CPSF1: variants seen among roughly 807,000 people sequenced by gnomAD.
CPSF1 encodes the protein cleavage and polyadenylation specific factor 1.
CPSF1 carries 106 observed loss-of-function variants against 175.8 expected under a neutral mutation model. The observed-to-expected ratio is 0.60, with a 90% CI of 0.52 to 0.71. The LOEUF (loss-of-function observed/expected upper bound fraction) is 0.71, where lower values mean the gene tolerates loss of function less well. Among genes scored for constraint, CPSF1 ranks in the 30% least tolerant of loss-of-function variants. The pLI, the probability that CPSF1 is intolerant of heterozygous loss-of-function variation, is 0.00. For synonymous variants in CPSF1, 1,024 were observed against 858.3 expected (o/e 1.19, Z -3.37); for missense variants, 1,734 against 2,022.9 (o/e 0.86, Z 2.74).
At position 144,401,549 on chromosome 8, in the gene CPSF1, G is replaced by A. The variant is rs2116885584; in HGVS notation, c.187C>T (p.Arg63Trp). Residue 63 changes from arginine (R) to tryptophan (W), a missense_variant, in exon 4 of 38, where the codon CGG becomes TGG. Around this residue, in one of 10 missense-constraint regions of CPSF1, gnomAD observed 126 missense variants for 117.9 expected, o/e 1.07. Coordinates refer to ENST00000616140, the MANE Select transcript of CPSF1 (RefSeq NM_013291.3). ...NDRSTEGKAH[R>W]EKLELAASFS... ...GAGGCAGCAAGCTCGAGCTTCTCCC[G>A]GTGGGCCTTCCCCTCTAGGGGAGAC... The A allele has an allele frequency of 6.2e-6, 10 of 1,613,516 alleles. No individual in the cohort carries two copies. The highest frequency in any genetic ancestry group is 1.3e-5 in the African/African-American group (1 of 74,928).
intron 7 of CPSF1, 56 bp downstream of exon 7, chr8:144,400,615 C>G: frequency 6.3e-7 from 1 of 1,593,322 alleles, no homozygotes. Context: ...GGCCCCACCC[C>G]AGGCAGAGGC....
At chr8:144,403,676 C>T (rs1353479010) in intron 2 of CPSF1, among the ~76,000 whole-genome samples, 4 of 148,368 alleles carry the variant, frequency 2.7e-5, no homozygotes, top group African/African-American at 1.0e-4. Flanking sequence ...CCTCAGCCTC[C>T]CAAGTAGCTG....
rs782358252 is a variant in CPSF1, at chr8:144,393,429, CGGGGGGCGG to C, written c.4284+14_4284+22del. 24 of 533,754 alleles carry C rather than the reference CGGGGGGCGG, an allele frequency of 4.5e-5. No individual in the cohort carries two copies. Among genetic ancestry groups the C allele is most frequent in the South Asian group, 1.3e-4 (7 of 52,394 alleles). 33.1% of individuals were successfully genotyped at this position (533,754 alleles called of 1,614,324 possible). On this transcript the variant is annotated intron_variant, in intron 37 of 37. Coordinates refer to ENST00000616140, the MANE Select transcript of CPSF1 (RefSeq NM_013291.3). ...GATGCACACGGAGGGGCGGGGCGCG[CGGGGGGCGG>C]GGCGCGCACTCACTATGTCTGGTGT... is the stretch of plus-strand genomic sequence containing the variant.
intron 37 of CPSF1, 35 bp from the exon 38 acceptor site, chr8:144,393,400 T>A (rs782205335): frequency 2.3e-6 from 1 of 426,568 alleles, no homozygotes; most frequent in Non-Finnish European, 3.7e-6. Flanking sequence ...GGTGGGTGGG[T>A]GGGGATGCAC....
chr8:144,407,255 G>C (rs1554869360), intron 2 of CPSF1, among the ~76,000 whole-genome samples: 1 of 141,884 alleles, frequency 7.0e-6, no homozygotes, highest in Non-Finnish European at 1.5e-5. Context: ...TCACTCTGTT[G>C]TCCAGGCTGG....
Position 144,396,628 on chromosome 8 carries a change from G to T in CPSF1, c.2796C>A (p.Arg932=), listed in dbSNP as rs1242199143. 6.2e-7 allele frequency: 1 copy of T among 1,613,664 alleles called. No homozygotes were observed. Among genetic ancestry groups the T allele is most frequent in the African/African-American group, 1.3e-5 (1 of 75,068 alleles). The part of the protein sequence containing the change: ...AGARGRVARF[R]YFEDIYGYSG... Reference sequence around the variant, plus strand: ...AGTAGCCATAAATATCCTCGAAGTAGCGGAAACGCGCCACGCGGCCCCGGG... The same window carrying T: ...AGTAGCCATAAATATCCTCGAAGTATCGGAAACGCGCCACGCGGCCCCGGG... Residue 932 remains arginine, a synonymous_variant, in exon 25 of 38, where the codon CGC becomes CGA. Transcript: ENST00000616140.
chr8:144,401,046 C>A lies in CPSF1; in HGVS notation c.417G>T (p.Pro139=). 6.2e-7 allele frequency: 1 copy of A among 1,607,652 alleles called. No individual in the cohort carries two copies. Among genetic ancestry groups the A allele is most frequent in the Non-Finnish European group, 8.5e-7 (1 of 1,176,620 alleles). ...GCCCGTCGGGGTCCACCCGCACTCGCGGCGTGTGTACATTCTGCACAAACC... is the reference window on the plus strand; with the variant it reads ...GCCCGTCGGGGTCCACCCGCACTCGAGGCGTGTGTACATTCTGCACAAACC... The part of the protein sequence containing the change: ...RDGFVQNVHT[P]RVRVDPDGRC... The change falls in exon 6 of 38, where the codon CCG becomes CCT. Residue 139 remains proline (P), a synonymous_variant. Transcript: ENST00000616140.
Position 144,401,424 on chromosome 8 carries a change from A to C in CPSF1, c.306+6T>G. ...CCAGGCCTACCCCACCAAGCCTACC[A>C]CTCACCTTGGCATCCTTGAAGCTTA... On this transcript the variant is annotated splice_donor_region_variant and intron_variant, in intron 4 of 37. Coordinates refer to ENST00000616140, the MANE Select transcript of CPSF1 (RefSeq NM_013291.3). The C allele has an allele frequency of 6.2e-7, 1 of 1,613,596 alleles. No homozygotes were observed. Among genetic ancestry groups the C allele is most frequent in the Middle Eastern group, 1.7e-4 (1 of 6,056 alleles).
At chr8:144,398,908 G>T in intron 16 of CPSF1, 40 bp from the exon 17 acceptor site, 1 of 1,609,502 alleles carries the variant, frequency 6.2e-7, no homozygotes, top group Non-Finnish European at 8.5e-7. Flanking sequence ...GGGGGTGTGA[G>T]CCCACCCAGG....
chr8:144,403,587 C>G (rs2116895216), intron 2 of CPSF1, among the ~76,000 whole-genome samples: 2 of 150,272 alleles, frequency 1.3e-5, no homozygotes, highest in African/African-American at 4.9e-5. Flanking sequence ...GAGTCTCACT[C>G]TGTCACCCAG....
At chr8:144,396,118 C>T (rs1237245654) in intron 26 of CPSF1, 2 of 573,830 alleles carry the variant, frequency 3.5e-6, no homozygotes, top group Non-Finnish European at 6.2e-6. Context: ...GCCGGCAGAG[C>T]AGTGGTGGGG....
At chr8:144,405,483 G>C (rs1288861935) in intron 2 of CPSF1, among the ~76,000 whole-genome samples, 3 of 152,104 alleles carry the variant, frequency 2.0e-5, no homozygotes, top group Admixed American at 1.3e-4. Context: ...AATTAGCTGG[G>C]TGTGGTGGCA....
At chr8:144,402,228 G>A (rs1554867540) in intron 2 of CPSF1, among the ~76,000 whole-genome samples, 3 of 152,354 alleles carry the variant, frequency 2.0e-5, no homozygotes, top group Non-Finnish European at 2.9e-5. Flanking sequence ...CTACTAGGTA[G>A]CTAGTTTAAC....
rs1554864712 is a variant in CPSF1, at chr8:144,398,028, T to C, written c.1999A>G (p.Met667Val). Residue 667 changes from methionine (M) to valine (V), a missense_variant, in exon 20 of 38, where the codon ATG (methionine) becomes GTG (valine). Around this residue, in one of 10 missense-constraint regions of CPSF1, gnomAD observed 280 missense variants for 349.2 expected, o/e 0.80. Coordinates refer to ENST00000616140, the MANE Select transcript of CPSF1 (RefSeq NM_013291.3). ...TAGGAGTCACTCTTCAGCAGGAACA[T>C]GGTGACGTGGCCCTCGGCACTCATG... is the stretch of plus-strand genomic sequence containing the variant. ...VIMSAEGHVTMFLLKSDSYGG... is the reference protein window; with the variant it reads ...VIMSAEGHVTVFLLKSDSYGG... 1.2e-6 allele frequency: 2 copies of C among 1,612,206 alleles called. No individual in the cohort carries two copies. Among genetic ancestry groups the C allele is most frequent in the South Asian group, 2.2e-5 (2 of 91,024 alleles).
At chr8:144,405,439 A>G (rs1821444112) in intron 2 of CPSF1, among the ~76,000 whole-genome samples, 1 of 152,176 alleles carries the variant, frequency 6.6e-6, no homozygotes, top group Admixed American at 6.5e-5. Context: ...CCTGGCCAAC[A>G]TGGTGAAACC....
chr8:144,398,483 G>A (rs2116850351), intron 18 of CPSF1, 40 bp from the exon 19 acceptor site: 11 of 1,607,704 alleles, frequency 6.8e-6, no homozygotes, highest in Non-Finnish European at 8.5e-6. Flanking sequence ...CCCCGCAGGG[G>A]ACCCCAGCCC....
chr8:144,393,269 A>AG lies in CPSF1; in HGVS notation c.*48dup. 6.9e-7 allele frequency: 1 copy of AG among 1,453,952 alleles called. No homozygotes were observed. The highest frequency in any genetic ancestry group is 9.1e-7 in the Non-Finnish European group (1 of 1,094,098). The allele number at this position is 1,453,952 out of a possible 1,614,324, so 90.1% of individuals were successfully genotyped here. A position where few individuals can be genotyped will look rare whatever the true frequency, so the allele number is the denominator to read the frequency against. ...GTTTTTCCTTGTGTTTTGTACAAAA[A>AG]GGGGGTGGGAGGTAGTTCCGTGTGC... On this transcript the variant is annotated 3_prime_UTR_variant, in exon 38 of 38. Transcript: ENST00000616140.
rs1320504844 is a variant in CPSF1 at position 144,399,121 on chromosome 8, T to C, written c.1467+7A>G. 1.5e-5 allele frequency: 20 copies of C among 1,315,944 alleles called. No individual in the cohort carries two copies. The highest frequency in any genetic ancestry group is 8.7e-5 in the Admixed American group (4 of 45,838). 81.5% of individuals were successfully genotyped at this position (1,315,944 alleles called of 1,614,324 possible). A position where few individuals can be genotyped will look rare whatever the true frequency, so the allele number is the denominator to read the frequency against. ...CTGCCCCCAGCCCCGACCCCAACCC[T>C]GGGCACCTCTTCAGAGAGGAAGGCA... On this transcript the variant is annotated splice_region_variant and intron_variant, in intron 15 of 37. Transcript: ENST00000616140. The surrounding 1 kb of genome is among the most constrained non-coding windows in gnomAD (Gnocchi z 6.4).
chr8:144,406,941 T>TG (rs2116906884), intron 2 of CPSF1, among the ~76,000 whole-genome samples: 6 of 152,078 alleles, frequency 3.9e-5, no homozygotes, highest in Non-Finnish European at 8.8e-5. Context: ...TTTTTTTAGA[T>TG]GGAGTTTTGC....
Sources: allele counts gnomAD v4.1 joint callset (sites outside exome capture counted in the v4.1 genomes callset), GRCh38; gene constraint gnomAD v4.1.1; regional missense constraint gnomAD v4.1.1; non-coding constraint Gnocchi (gnomAD v3.1); transcripts MANE v1.5; gene names NCBI Gene and HGNC (gene_info 2026-07-23, HGNC 2026-07-21).